Variants in MARCHF1 observed in about 807,000 individuals in gnomAD.
MARCHF1 encodes the protein membrane associated ring-CH-type finger 1.
In MARCHF1, 40 loss-of-function variants were observed where a neutral mutation model predicts 54.2. The observed-to-expected ratio is 0.74, with a 90% CI of 0.57 to 0.96. MARCHF1 has a LOEUF of 0.96. Ranked by LOEUF, MARCHF1 falls within the 40% of genes least tolerant of loss-of-function variation. The pLI is 0.00. For missense variants in MARCHF1, 586 were observed against 656.5 expected (o/e 0.89, Z 1.17); for synonymous variants, 236 against 236.3 (o/e 1.00, Z 0.01).
chr4:164,018,266 A>G (rs1437876434), intron 2 of MARCHF1, among the ~76,000 whole-genome samples: 1 of 152,024 alleles, frequency 6.6e-6, no homozygotes, highest in African/African-American at 2.4e-5. Context: ...AAAGAAATTC[A>G]GATCATACAT....
chr4:163,716,520 C>T (rs995825015), intron 4 of MARCHF1, among the ~76,000 whole-genome samples: 1 of 152,178 alleles, frequency 6.6e-6, no homozygotes, highest in African/African-American at 2.4e-5. Context: ...AACTTACAAA[C>T]AGGTATAGAG....
intron 1 of MARCHF1, among the ~76,000 whole-genome samples, chr4:164,233,450 T>A (rs1177492302): frequency 1.3e-5 from 2 of 152,138 alleles, no homozygotes; most frequent in East Asian, 3.9e-4. Context: ...TGACTAAAAT[T>A]TGTCTTCATG....
chr4:164,372,950 G>T (rs564297285), intron 1 of MARCHF1, among the ~76,000 whole-genome samples: 74 of 151,748 alleles, frequency 4.9e-4, no homozygotes, highest in South Asian at 1.7e-3. Context: ...ATAAATCTTC[G>T]CATTTCCTTC....
At chr4:163,657,330 T>C (rs1278504740) in intron 5 of MARCHF1, among the ~76,000 whole-genome samples, 1 of 151,230 alleles carries the variant, frequency 6.6e-6, no homozygotes, top group African/African-American at 2.4e-5. Context: ...CAGAAGAAAA[T>C]TCCTAGGAAT....
At chr4:163,975,182 TCTCTCTCTCTCTCTCACA>T (rs1360656043) in intron 3 of MARCHF1, among the ~76,000 whole-genome samples, 28 of 139,388 alleles carry the variant, frequency 2.0e-4, no homozygotes, top group Middle Eastern at 3.6e-3. Flanking sequence ...TCTCTCTCTC[TCTCTCTCTCTCTCTCACA>T]CACACACACA....
intron 1 of MARCHF1, among the ~76,000 whole-genome samples, chr4:164,194,464 TAA>T (rs1466587264): frequency 2.0e-5 from 3 of 152,168 alleles, no homozygotes; most frequent in African/African-American, 7.2e-5. Context: ...CATCGTAATA[TAA>T]AATAAAACAT....
intron 5 of MARCHF1, among the ~76,000 whole-genome samples, chr4:163,673,155 C>T (rs1400810287): frequency 1.3e-5 from 2 of 152,164 alleles, no homozygotes; most frequent in African/African-American, 4.8e-5. Flanking sequence ...AAATAAACAT[C>T]TTTAGAGCAA....
chr4:163,632,173 A>T (rs1423061264), intron 5 of MARCHF1, among the ~76,000 whole-genome samples: 1 of 152,166 alleles, frequency 6.6e-6, no homozygotes, highest in African/African-American at 2.4e-5. Flanking sequence ...AAATATAGGT[A>T]GAATTACTCT....
Position 164,368,123 on chromosome 4 carries a change from A to C in MARCHF1, c.-323+15747T>G, listed in dbSNP as rs187739907. On this transcript the variant is annotated intron_variant, in intron 1 of 9. Coordinates refer to ENST00000514618, the MANE Select transcript of MARCHF1 (RefSeq NM_001394959.1). The stretch of plus-strand genomic sequence containing the variant: ...TCACTGAATGAACTAGAAAAAAAAA[A>C]CCACAAAGAAATGGTTTTCTTTAAA... Among the ~76,000 whole-genome samples, 708 of 151,520 alleles carry C rather than the reference A, an allele frequency of 4.7e-3. 6 individuals carry two copies. The highest frequency in any genetic ancestry group is 0.011 in the Middle Eastern group (3 of 282).
At chr4:164,117,212 C>T (rs1044700697) in intron 1 of MARCHF1, among the ~76,000 whole-genome samples, 3 of 151,824 alleles carry the variant, frequency 2.0e-5, no homozygotes, top group South Asian at 2.1e-4. Flanking sequence ...GAGCCGAGAT[C>T]GCACCACTGC....
At chr4:164,247,568 T>C (rs1024880995) in intron 1 of MARCHF1, among the ~76,000 whole-genome samples, 2 of 143,726 alleles carry the variant, frequency 1.4e-5, no homozygotes, top group African/African-American at 5.2e-5. Context: ...GTAACTAACA[T>C]GCACAATGTG....
At position 163,525,862 on chromosome 4, in the gene MARCHF1, G is replaced by A. The variant is rs953276991; in HGVS notation, c.*2886C>T. 1 of 151,930 alleles carries A rather than the reference G, an allele frequency of 6.6e-6. No individual in the cohort carries two copies. The highest frequency in any genetic ancestry group is 6.6e-5 in the Admixed American group (1 of 15,220). 9.4% of individuals were successfully genotyped at this position (151,930 alleles called of 1,614,324 possible). ...GCTAAATCGTTTTATTGTTTGAAAGGGCAAATGTTCCATTGCCACACAGAA... is the reference window on the plus strand; with the variant it reads ...GCTAAATCGTTTTATTGTTTGAAAGAGCAAATGTTCCATTGCCACACAGAA... On this transcript the variant is annotated 3_prime_UTR_variant, in exon 10 of 10. Coordinates refer to ENST00000514618, the MANE Select transcript of MARCHF1 (RefSeq NM_001394959.1).
chr4:164,345,938 T>C (rs1420851735), intron 1 of MARCHF1, among the ~76,000 whole-genome samples: 1 of 152,190 alleles, frequency 6.6e-6, no homozygotes, highest in Non-Finnish European at 1.5e-5. Flanking sequence ...TGACTCACAA[T>C]AAAATCATTC....
chr4:164,149,452 T>C (rs1729871601), intron 1 of MARCHF1, among the ~76,000 whole-genome samples: 1 of 152,188 alleles, frequency 6.6e-6, no homozygotes, highest in Non-Finnish European at 1.5e-5. Context: ...AAGAAGACGT[T>C]TAAATGGCAC....
At chr4:163,762,522 C>A (rs1288547485) in intron 4 of MARCHF1, among the ~76,000 whole-genome samples, 1 of 152,024 alleles carries the variant, frequency 6.6e-6, no homozygotes, top group Non-Finnish European at 1.5e-5. Context: ...CCTTTGTGTA[C>A]ACAAAGAGTT....
intron 1 of MARCHF1, among the ~76,000 whole-genome samples, chr4:164,356,555 G>A (rs577327380): frequency 2.4e-4 from 30 of 127,078 alleles, no homozygotes; most frequent in African/African-American, 8.1e-4. Context: ...TCATAGGTGG[G>A]AATTGAACAA....
chr4:164,062,634 C>G (rs1214785727), intron 2 of MARCHF1, among the ~76,000 whole-genome samples: 2 of 152,108 alleles, frequency 1.3e-5, no homozygotes, highest in Non-Finnish European at 2.9e-5. Context: ...CAGCTATTCT[C>G]CTGCCTCAGC....
At chr4:164,107,791 A>G (rs1190582418) in intron 2 of MARCHF1, among the ~76,000 whole-genome samples, 1 of 148,556 alleles carries the variant, frequency 6.7e-6, no homozygotes, top group African/African-American at 2.5e-5. Flanking sequence ...TGAACTATTT[A>G]TTTTACTATC....
chr4:163,761,040 A>T (rs1746812615), intron 4 of MARCHF1, among the ~76,000 whole-genome samples: 1 of 152,216 alleles, frequency 6.6e-6, no homozygotes, highest in African/African-American at 2.4e-5. Flanking sequence ...CCAATGAGAT[A>T]AACATAAAAT....
Sources: allele counts gnomAD v4.1 joint callset (sites outside exome capture counted in the v4.1 genomes callset), GRCh38; gene constraint gnomAD v4.1.1; transcripts MANE v1.5; gene names NCBI Gene and HGNC (gene_info 2026-07-23, HGNC 2026-07-21).